Variants in DSCAML1 observed in about 807,000 individuals in gnomAD.
DSCAML1 encodes the protein DS cell adhesion molecule like 1.
DSCAML1 carries 38 observed loss-of-function variants against 200.5 expected under a neutral mutation model. The observed-to-expected ratio is 0.19, with a 90% CI of 0.15 to 0.25. The LOEUF (loss-of-function observed/expected upper bound fraction) is 0.25. Ranked by LOEUF, DSCAML1 falls within the 10% of genes least tolerant of loss-of-function variation. The probability of loss-of-function intolerance (pLI) is 1.00; values close to 1 mark genes in which losing one functional copy is unlikely to be tolerated. For missense variants in DSCAML1, 2,223 were observed against 2,858.8 expected (o/e 0.78, Z 5.07); for synonymous variants, 1,215 against 1,165.0 (o/e 1.04, Z -0.87).
intron 4 of DSCAML1, among the ~76,000 whole-genome samples, chr11:117,529,253 T>A (rs1349469411): frequency 6.6e-6 from 1 of 152,020 alleles, no homozygotes; most frequent in African/African-American, 2.4e-5. Flanking sequence ...AACGTTTGTA[T>A]TTTTAGTAAA....
chr11:117,440,475 C>A (rs1424234683), intron 21 of DSCAML1, among the ~76,000 whole-genome samples: 1 of 151,856 alleles, frequency 6.6e-6, no homozygotes, highest in African/African-American at 2.4e-5. Flanking sequence ...CTGAAGCTCA[C>A]GGCAGCTGTG....
upstream of DSCAML1, among the ~76,000 whole-genome samples, chr11:117,800,406 A>T (rs895590856): frequency 6.6e-6 from 1 of 152,240 alleles, no homozygotes; most frequent in Non-Finnish European, 1.5e-5. Context: ...TCACACCCAC[A>T]CACAAATATA....
chr11:117,439,869 A>G lies in DSCAML1; in HGVS notation c.3930T>C (p.Pro1310=). 1 of 1,614,186 alleles carries G rather than the reference A, an allele frequency of 6.2e-7. No homozygotes were observed. Among genetic ancestry groups the G allele is most frequent in the Non-Finnish European group, 8.5e-7 (1 of 1,180,022 alleles). Residue 1310 remains proline, a synonymous_variant, in exon 22 of 33, where the codon CCT becomes CCC. Transcript: ENST00000651296. ...GGGCTGGATCTCCCACTGAATTGCA[A>G]GGCAGCCGAACATCTTTCATCCAAG... ...TTPWMKDVRL[P]CNSVGDPAPA...
chr11:117,723,858 A>G (rs1457045902), intron 3 of DSCAML1, among the ~76,000 whole-genome samples: 1 of 152,192 alleles, frequency 6.6e-6, no homozygotes, highest in Non-Finnish European at 1.5e-5. Context: ...AGACACACCT[A>G]TGTGGCTCAA....
At chr11:117,448,505 T>C (rs1166857074) in intron 20 of DSCAML1, among the ~76,000 whole-genome samples, 1 of 151,930 alleles carries the variant, frequency 6.6e-6, no homozygotes, top group Non-Finnish European at 1.5e-5. Context: ...ATGCATTCAG[T>C]GTCTGACGGG....
At chr11:117,533,690 C>A (rs2050120073) in intron 3 of DSCAML1, among the ~76,000 whole-genome samples, 1 of 152,120 alleles carries the variant, frequency 6.6e-6, no homozygotes, top group Non-Finnish European at 1.5e-5. Context: ...GATTGCCACA[C>A]AAGACCCCCC....
chr11:117,718,092 C>A (rs1028385890), intron 3 of DSCAML1, among the ~76,000 whole-genome samples: 1 of 152,232 alleles, frequency 6.6e-6, no homozygotes, highest in African/African-American at 2.4e-5. Context: ...AACGGCTGCA[C>A]GTCCGTGGCA....
At chr11:117,555,704 G>C (rs1408936320) in intron 3 of DSCAML1, among the ~76,000 whole-genome samples, 3 of 152,184 alleles carry the variant, frequency 2.0e-5, no homozygotes, top group Admixed American at 1.3e-4. Flanking sequence ...CACAGGGCCT[G>C]AGTGTGAAGA....
chr11:117,606,675 G>T (rs758068867), intron 3 of DSCAML1, among the ~76,000 whole-genome samples: 1 of 152,168 alleles, frequency 6.6e-6, no homozygotes, highest in Non-Finnish European at 1.5e-5. Flanking sequence ...TGGTTCCATG[G>T]ATGATCAGTA....
chr11:117,670,342 C>A (rs1352915456), intron 3 of DSCAML1, among the ~76,000 whole-genome samples: 2 of 152,060 alleles, frequency 1.3e-5, no homozygotes, highest in East Asian at 1.9e-4. Context: ...AATGAGTTAT[C>A]ATTCAGAACG....
At position 117,744,536 on chromosome 11, in the gene DSCAML1, G is replaced by A. The variant is rs187016512; in HGVS notation, c.511+32255C>T. Among the ~76,000 whole-genome samples, 9 of 152,334 alleles carry A rather than the reference G, an allele frequency of 5.9e-5. No individual in the cohort carries two copies. The East Asian group carries it at 7.7e-4, about 13-fold the overall frequency. Reference sequence around the variant, plus strand: ...CCTGGATTCCTGGAGCTTCCCCATCGGAAGGGACTTTAGCGGTCCCTAGCT... The same window carrying A: ...CCTGGATTCCTGGAGCTTCCCCATCAGAAGGGACTTTAGCGGTCCCTAGCT... On this transcript the variant is annotated intron_variant, in intron 3 of 32. Transcript: ENST00000651296.
chr11:117,769,149 T>C lies in DSCAML1; in HGVS notation c.511+7642A>G, dbSNP rs1376962462. ...TATTATGTATATTATATATTATATA[T>C]ATTTTATATATATTATATATTTTAT... On this transcript the variant is annotated intron_variant, in intron 3 of 32. Coordinates refer to ENST00000651296, the MANE Select transcript of DSCAML1 (RefSeq NM_020693.4). Among the ~76,000 whole-genome samples, 3 of 67,056 alleles carry C rather than the reference T, an allele frequency of 4.5e-5. No homozygotes were observed. In the South Asian group the frequency reaches 2.0e-3, roughly 44 times the overall value. 44.0% of individuals were successfully genotyped at this position (67,056 alleles called of 152,430 possible).
intron 5 of DSCAML1, among the ~76,000 whole-genome samples, chr11:117,524,275 A>G (rs2049934423): frequency 6.6e-6 from 1 of 152,176 alleles, no homozygotes; most frequent in Non-Finnish European, 1.5e-5. Flanking sequence ...GGCAGAGATG[A>G]TTTGCTTGTT....
At chr11:117,593,790 C>G (rs2051308103) in intron 3 of DSCAML1, among the ~76,000 whole-genome samples, 1 of 150,964 alleles carries the variant, frequency 6.6e-6, no homozygotes, top group Non-Finnish European at 1.5e-5. Flanking sequence ...CGGCTCACTG[C>G]AAGCTCTGCC....
At chr11:117,451,300 C>T (rs777326715) in intron 19 of DSCAML1, among the ~76,000 whole-genome samples, 2 of 152,170 alleles carry the variant, frequency 1.3e-5, no homozygotes, top group African/African-American at 2.4e-5. Flanking sequence ...AACTGGGACC[C>T]CAGGACTCTG....
intron 3 of DSCAML1, among the ~76,000 whole-genome samples, chr11:117,591,399 G>A (rs1379584364): frequency 2.0e-5 from 3 of 152,194 alleles, no homozygotes; most frequent in East Asian, 1.9e-4. Flanking sequence ...AAAGCACAAT[G>A]TGATATAGTC....
chr11:117,674,440 C>T (rs1356136727), intron 3 of DSCAML1, among the ~76,000 whole-genome samples: 4 of 152,120 alleles, frequency 2.6e-5, no homozygotes, highest in African/African-American at 9.7e-5. Context: ...TTCTGAAGGG[C>T]CAGAAGGAAC....
intron 3 of DSCAML1, among the ~76,000 whole-genome samples, chr11:117,587,572 C>T (rs2051174186): frequency 2.6e-5 from 4 of 152,124 alleles, no homozygotes; most frequent in South Asian, 2.1e-4. Context: ...AGAGATGAGT[C>T]GGGCCGATGT....
intron 26 of DSCAML1, among the ~76,000 whole-genome samples, chr11:117,436,305 C>T (rs901130787): frequency 6.6e-6 from 1 of 152,214 alleles, no homozygotes. Flanking sequence ...TGTGGGGAAG[C>T]ATGGCAAGTT....
Sources: gnomAD v4.1 joint callset for allele counts (sites outside exome capture counted in the v4.1 genomes callset) on GRCh38, gnomAD v4.1.1 for gene constraint, MANE v1.5 for transcripts, NCBI Gene and HGNC (gene_info 2026-07-23, HGNC 2026-07-21) for gene names.